The following CPNE8 variants were observed in gnomAD, a reference collection of about 807,000 sequenced individuals.
The protein encoded by CPNE8 is copine-8.
Under a neutral mutation model 81.5 loss-of-function variants are expected in CPNE8, and 45 were observed. The ratio of observed to expected loss-of-function variants is 0.55; its 90% CI spans 0.44 to 0.71. The LOEUF (loss-of-function observed/expected upper bound fraction) is 0.71, where lower values mean the gene tolerates loss of function less well. Among genes scored for constraint, CPNE8 ranks in the 30% least tolerant of loss-of-function variants. The probability of loss-of-function intolerance (pLI) is 0.00; values close to 1 mark genes in which losing one functional copy is unlikely to be tolerated. For missense variants in CPNE8, 594 were observed against 672.1 expected, an observed-to-expected ratio of 0.88 and a Z score of 1.28; for synonymous variants, 252 against 226.3, an observed-to-expected ratio of 1.11 and a Z score of -1.02.
At chr12:38,884,744 C>T (rs1944214573) in intron 1 of CPNE8, among the ~76,000 whole-genome samples, 1 of 151,962 alleles carries the variant, frequency 6.6e-6, no homozygotes, top group African/African-American at 2.4e-5. Flanking sequence ...GTAGTCAATC[C>T]ACATACCTGA....
chr12:38,888,419 G>T (rs749258710), intron 1 of CPNE8, among the ~76,000 whole-genome samples: 6 of 152,082 alleles, frequency 3.9e-5, no homozygotes, highest in Non-Finnish European at 7.4e-5. Context: ...GGCAAGGTTG[G>T]TTTTTTTCTT....
chr12:38,821,218 CATG>C (rs1056881096), intron 6 of CPNE8, among the ~76,000 whole-genome samples: 3 of 152,096 alleles, frequency 2.0e-5, no homozygotes, highest in Admixed American at 2.0e-4. Context: ...TACTTAGTTG[CATG>C]ATTATTCATT....
intron 19 of CPNE8, among the ~76,000 whole-genome samples, chr12:38,667,492 A>G (rs1398140652): frequency 6.6e-6 from 1 of 152,186 alleles, no homozygotes; most frequent in Non-Finnish European, 1.5e-5. Flanking sequence ...TAAATGATCA[A>G]TGTGATATGT....
chr12:38,803,359 A>G (rs1388514537), intron 6 of CPNE8, among the ~76,000 whole-genome samples: 2 of 138,200 alleles, frequency 1.4e-5, no homozygotes, highest in Non-Finnish European at 3.2e-5. Context: ...CAATATACGC[A>G]AATCAATAAA....
intron 10 of CPNE8, among the ~76,000 whole-genome samples, chr12:38,746,196 A>C (rs929469046): frequency 1.3e-5 from 2 of 152,228 alleles, no homozygotes; most frequent in Non-Finnish European, 1.5e-5. Context: ...AATATTAAAA[A>C]AAAACCCTTT....
chr12:38,875,362 T>C (rs201778229), intron 1 of CPNE8, among the ~76,000 whole-genome samples: 247 of 152,308 alleles, frequency 1.6e-3, no homozygotes, highest in East Asian at 9.8e-3. Flanking sequence ...TTTAAAGCTA[T>C]ATGCTTTTCT....
intron 6 of CPNE8, among the ~76,000 whole-genome samples, chr12:38,802,869 C>T (rs1375753590): frequency 6.8e-6 from 1 of 147,452 alleles, no homozygotes; most frequent in Non-Finnish European, 1.5e-5. Flanking sequence ...TCAGAGAATA[C>T]TACAAACACC....
At chr12:38,753,295 T>C (rs763400690) in intron 10 of CPNE8, among the ~76,000 whole-genome samples, 2 of 151,818 alleles carry the variant, frequency 1.3e-5, no homozygotes, top group Non-Finnish European at 2.9e-5. Flanking sequence ...CTAATAAAAA[T>C]ACAAAAATTA....
intron 6 of CPNE8, among the ~76,000 whole-genome samples, chr12:38,801,028 T>G (rs1383820523): frequency 6.7e-6 from 1 of 150,250 alleles, no homozygotes; most frequent in Admixed American, 6.7e-5. Context: ...CATCTACGTC[T>G]GATTGGTGTA....
At chr12:38,829,581 A>T in intron 5 of CPNE8, 126 bp from the exon 6 acceptor site, 1 of 670,934 alleles carries the variant, frequency 1.5e-6, no homozygotes, top group Non-Finnish European at 2.6e-6. Context: ...TCCAACAATA[A>T]GTAAAATAAG....
chr12:38,669,245 G>T (rs1939122116), intron 19 of CPNE8, among the ~76,000 whole-genome samples: 1 of 151,884 alleles, frequency 6.6e-6, no homozygotes, highest in African/African-American at 2.4e-5. Flanking sequence ...CTATTTTACA[G>T]AAGTTTTTAT....
At chr12:38,725,139 T>C (rs188227550) in intron 11 of CPNE8, among the ~76,000 whole-genome samples, 1 of 152,314 alleles carries the variant, frequency 6.6e-6, no homozygotes, top group Admixed American at 6.5e-5. Context: ...ACATATTGAT[T>C]ACCCTTAACT....
intron 6 of CPNE8, among the ~76,000 whole-genome samples, chr12:38,813,777 T>C (rs556901754): frequency 6.6e-6 from 1 of 152,260 alleles, no homozygotes; most frequent in Non-Finnish European, 1.5e-5. Context: ...AAATTCCAGG[T>C]CATTCTTAGG....
intron 3 of CPNE8, among the ~76,000 whole-genome samples, chr12:38,858,675 C>T (rs1943783335): frequency 6.6e-6 from 1 of 152,180 alleles, no homozygotes; most frequent in Non-Finnish European, 1.5e-5. Flanking sequence ...GCTGCTTCCA[C>T]ACCAGCCCTG....
chr12:38,792,020 A>AAC (rs1942336162), intron 6 of CPNE8, among the ~76,000 whole-genome samples: 1 of 151,142 alleles, frequency 6.6e-6, no homozygotes, highest in Non-Finnish European at 1.5e-5. Context: ...TTAAAAAAAA[A>AAC]AAAACTTGAG....
chr12:38,851,889 G>A (rs779931433), intron 3 of CPNE8, among the ~76,000 whole-genome samples: 42 of 152,068 alleles, frequency 2.8e-4, no homozygotes, highest in Non-Finnish European at 5.4e-4. Flanking sequence ...TGGCCTTCTT[G>A]TAGGCCCTTT....
At chr12:38,868,979 T>G (rs913696801) in intron 3 of CPNE8, among the ~76,000 whole-genome samples, 1 of 152,188 alleles carries the variant, frequency 6.6e-6, no homozygotes, top group Non-Finnish European at 1.5e-5. Context: ...AATGCAATAG[T>G]ATTCAGTTGA....
intron 6 of CPNE8, among the ~76,000 whole-genome samples, chr12:38,799,181 T>A (rs11503621): frequency 6.6e-6 from 1 of 152,034 alleles, no homozygotes; most frequent in Non-Finnish European, 1.5e-5. Flanking sequence ...ATTGAACTCA[T>A]CTCTGCACCA....
chr12:38,654,141 A>C, intron 19 of CPNE8, 71 bp from the exon 20 acceptor site: 1 of 1,474,584 alleles, frequency 6.8e-7, no homozygotes, highest in Non-Finnish European at 9.0e-7. Flanking sequence ...AAAAATCAAC[A>C]CATGTACACA....
Sources: allele counts gnomAD v4.1 joint callset (sites outside exome capture counted in the v4.1 genomes callset), GRCh38; gene constraint gnomAD v4.1.1; transcripts MANE v1.5; gene names NCBI Gene and HGNC (gene_info 2026-07-23, HGNC 2026-07-21).